Variants in EFCAB6 observed in about 807,000 individuals in gnomAD.
The protein encoded by EFCAB6 is EF-hand calcium binding domain 6.
In EFCAB6, 156 loss-of-function variants were observed where a neutral mutation model predicts 169.8. The ratio of observed to expected loss-of-function variants is 0.92; its 90% confidence interval spans 0.81 to 1.05. The LOEUF (loss-of-function observed/expected upper bound fraction) is 1.05. Among genes scored for constraint, EFCAB6 ranks in the 50% least tolerant of loss-of-function variants. EFCAB6 has a pLI of 0.00. For missense variants in EFCAB6, 1,800 were observed against 1,829.1 expected, an observed-to-expected ratio of 0.98 and a Z score of 0.29; for synonymous variants, 698 against 676.4, an observed-to-expected ratio of 1.03 and a Z score of -0.50.
At chr22:43,579,520 A>C (rs1341259513) in intron 25 of EFCAB6, among the ~76,000 whole-genome samples, 6 of 92,730 alleles carry the variant, frequency 6.5e-5, no homozygotes, top group African/African-American at 1.3e-4. Flanking sequence ...GCATCATTCC[A>C]TACACATAGG....
chr22:43,734,837 C>G (rs1226841410), intron 7 of EFCAB6, among the ~76,000 whole-genome samples: 2 of 152,176 alleles, frequency 1.3e-5, no homozygotes, highest in East Asian at 3.8e-4. Flanking sequence ...CACATGCCCT[C>G]TAGACTTCCT....
chr22:43,594,670 T>C (rs978028540), intron 23 of EFCAB6, among the ~76,000 whole-genome samples: 4 of 152,198 alleles, frequency 2.6e-5, no homozygotes, highest in Non-Finnish European at 5.9e-5. Context: ...GAGAGCTAGA[T>C]TGCAATACAG....
At chr22:43,708,482 A>G (rs2059039993) in intron 10 of EFCAB6, among the ~76,000 whole-genome samples, 1 of 152,146 alleles carries the variant, frequency 6.6e-6, no homozygotes, top group Non-Finnish European at 1.5e-5. Flanking sequence ...AATAATACAA[A>G]ATAAGAGGTA....
intron 24 of EFCAB6, among the ~76,000 whole-genome samples, chr22:43,589,045 A>G (rs978512633): frequency 3.9e-5 from 6 of 151,982 alleles, no homozygotes; most frequent in African/African-American, 1.5e-4. Flanking sequence ...TTAAACCCAC[A>G]TTTTCTTGGT....
chr22:43,680,086 T>C (rs2057942386), intron 12 of EFCAB6, among the ~76,000 whole-genome samples: 1 of 152,218 alleles, frequency 6.6e-6, no homozygotes, highest in Non-Finnish European at 1.5e-5. Flanking sequence ...TATGTTTTTC[T>C]TCTAAGAGTT....
At chr22:43,706,098 A>G (rs888702258) in intron 10 of EFCAB6, among the ~76,000 whole-genome samples, 4 of 152,266 alleles carry the variant, frequency 2.6e-5, no homozygotes, top group African/African-American at 9.6e-5. Context: ...TGAATAACCT[A>G]GAATAAATGA....
chr22:43,752,065 T>C (rs962410151), intron 6 of EFCAB6, among the ~76,000 whole-genome samples: 2 of 151,588 alleles, frequency 1.3e-5, no homozygotes, highest in Non-Finnish European at 2.9e-5. Flanking sequence ...CTGAAGCAGA[T>C]GGATTGGTTG....
At chr22:43,726,074 A>G (rs576734884) in intron 8 of EFCAB6, among the ~76,000 whole-genome samples, 65 of 152,338 alleles carry the variant, frequency 4.3e-4, no homozygotes, top group African/African-American at 1.5e-3. Flanking sequence ...TATATAGCTT[A>G]CATTGGATCA....
At chr22:43,692,044 G>A (rs945740013) in intron 10 of EFCAB6, among the ~76,000 whole-genome samples, 2 of 152,134 alleles carry the variant, frequency 1.3e-5, no homozygotes, top group African/African-American at 2.4e-5. Flanking sequence ...CCAGCCAAAA[G>A]AGAGAAAGAA....
intron 30 of EFCAB6, among the ~76,000 whole-genome samples, chr22:43,531,395 G>A (rs1602075422): frequency 1.3e-5 from 2 of 152,116 alleles, no homozygotes; most frequent in Non-Finnish European, 2.9e-5. Context: ...AGGAAAAAAA[G>A]AGATTTCAGT....
chr22:43,666,722 A>G (rs1246270276), intron 17 of EFCAB6, among the ~76,000 whole-genome samples: 2 of 90,036 alleles, frequency 2.2e-5, no homozygotes, highest in Non-Finnish European at 4.1e-5. Flanking sequence ...TTTTCATTCT[A>G]GAGGAACAAA....
intron 21 of EFCAB6, among the ~76,000 whole-genome samples, chr22:43,614,320 A>G (rs955565879): frequency 6.6e-6 from 1 of 152,186 alleles, no homozygotes; most frequent in African/African-American, 2.4e-5. Context: ...GAGTCCAGAA[A>G]CAGACCCACA....
chr22:43,587,148 C>A (rs571392051), intron 24 of EFCAB6, among the ~76,000 whole-genome samples: 1 of 152,290 alleles, frequency 6.6e-6, no homozygotes, highest in Non-Finnish European at 1.5e-5. Context: ...GGGAAGCAAG[C>A]AGACCCCAGA....
chr22:43,589,366 T>C (rs1219354455), intron 24 of EFCAB6, among the ~76,000 whole-genome samples: 3 of 132,586 alleles, frequency 2.3e-5, no homozygotes, highest in Non-Finnish European at 3.2e-5. Context: ...GTCAACAGGA[T>C]TGGAAGTTGT....
intron 29 of EFCAB6, chr22:43,535,132 T>C: frequency 2.4e-6 from 1 of 416,092 alleles, no homozygotes. Context: ...ACAGAGACTA[T>C]GGGAGCTATG....
chr22:43,543,691 G>A (rs1426807668), intron 27 of EFCAB6, among the ~76,000 whole-genome samples: 4 of 152,128 alleles, frequency 2.6e-5, no homozygotes, highest in Non-Finnish European at 4.4e-5. Context: ...GCCCTGGAGG[G>A]GCTGGATGGG....
chr22:43,757,636 C>T (rs962875737), intron 5 of EFCAB6, among the ~76,000 whole-genome samples: 3 of 152,190 alleles, frequency 2.0e-5, no homozygotes, highest in Admixed American at 6.5e-5. Context: ...TGGAACACAG[C>T]CTTGGAACTC....
At chr22:43,752,475 C>T (rs1037874826) in intron 6 of EFCAB6, among the ~76,000 whole-genome samples, 4 of 152,188 alleles carry the variant, frequency 2.6e-5, no homozygotes, top group Non-Finnish European at 4.4e-5. Flanking sequence ...GACATCCGCC[C>T]TTCTTGGGTG....
At chr22:43,610,439 A>G (rs1161266903) in intron 21 of EFCAB6, among the ~76,000 whole-genome samples, 1 of 152,244 alleles carries the variant, frequency 6.6e-6, no homozygotes, top group African/African-American at 2.4e-5. Flanking sequence ...AATCTCACTA[A>G]TAACAAACAA....
Sources: gnomAD v4.1 joint callset for allele counts (sites outside exome capture counted in the v4.1 genomes callset) on GRCh38, gnomAD v4.1.1 for gene constraint, MANE v1.5 for transcripts, NCBI Gene and HGNC (gene_info 2026-07-23, HGNC 2026-07-21) for gene names.